The following CCDC141 variants were observed in gnomAD, a reference collection of about 807,000 sequenced individuals.
The protein encoded by CCDC141 is coiled-coil domain containing 141, also known as coiled-coil domain-containing protein 141.
A neutral mutation model predicts 181.0 loss-of-function variants in CCDC141; 168 were observed. That is an observed-to-expected ratio of 0.93 (90% CI 0.82 to 1.05). CCDC141 has a LOEUF of 1.05. CCDC141 is among the 50% of genes least tolerant of loss of function. CCDC141 has a pLI of 0.00. For missense variants in CCDC141, 1,902 were observed against 1,788.5 expected, an observed-to-expected ratio of 1.06 and a Z score of -1.14; for synonymous variants, 666 against 642.3, an observed-to-expected ratio of 1.04 and a Z score of -0.56.
At chr2:178,895,169 C>T (rs1205485634) in intron 8 of CCDC141, among the ~76,000 whole-genome samples, 4 of 152,158 alleles carry the variant, frequency 2.6e-5, no homozygotes, top group South Asian at 2.1e-4. Context: ...CCATTATGTG[C>T]TTTCCCTTAA....
At chr2:179,021,865 A>G (rs1051790764) in intron 2 of CCDC141, among the ~76,000 whole-genome samples, 15 of 152,238 alleles carry the variant, frequency 9.9e-5, no homozygotes, top group Non-Finnish European at 1.0e-4. Context: ...AAATGGAACC[A>G]GATCAGATAT....
Position 179,020,279 on chromosome 2 carries a change from G to T in CCDC141, c.225+27005C>A, listed in dbSNP as rs186460850. ...CTAAATATTTTCCTACTCTTTGTCA[G>T]TTATGTAGTCCCCACACTCCTATCC... On this transcript the variant is annotated intron_variant, in intron 2 of 23. Transcript: ENST00000443758. Among the ~76,000 whole-genome samples the T allele has an allele frequency of 8.3e-4, 127 of 152,098 alleles. 1 individual carries two copies. The highest frequency in any genetic ancestry group is 3.0e-3 in the African/African-American group (124 of 41,504).
chr2:178,836,951 C>A lies in CCDC141; in HGVS notation c.4268G>T (p.Gly1423Val). 1 of 1,613,946 alleles carries A rather than the reference C, an allele frequency of 6.2e-7. No homozygotes were observed. The highest frequency in any genetic ancestry group is 1.1e-5 in the South Asian group (1 of 91,054). The change falls in exon 23 of 24, where the codon GGT becomes GTT. Residue 1423 changes from glycine (G) to valine (V), a missense_variant. Gly to Val is a moderately radical substitution (Grantham distance 109, BLOSUM62 -3). Transcript: ENST00000443758. ...TTCAACTTCCAAAGTCACTGGAGAA[C>A]CTTCCATGACAGTTACATTAGACAG... ...RLLSNVTVME[G>V]SPVTLEVEVT... is the part of the protein sequence containing the mutation.
intron 2 of CCDC141, chr2:179,002,440 C>A: frequency 2.6e-6 from 1 of 377,622 alleles, no homozygotes. Context: ...ACCATGACGC[C>A]TCATCACTTG....
chr2:178,869,433 C>T (rs1452142740), intron 14 of CCDC141, 128 bp from the exon 15 acceptor site: 3 of 631,622 alleles, frequency 4.7e-6, no homozygotes, highest in Admixed American at 7.2e-5. Flanking sequence ...ATGAATGCCC[C>T]CACCCTCCAA....
chr2:178,825,326 A>T (rs1041386344), downstream of CCDC141: 4 of 152,226 alleles, frequency 2.6e-5, no homozygotes, highest in African/African-American at 9.6e-5. Flanking sequence ...CAGTAGCTAC[A>T]TTCATTCCTG....
At chr2:178,930,502 A>G (rs1689061990) in intron 6 of CCDC141, among the ~76,000 whole-genome samples, 1 of 152,106 alleles carries the variant, frequency 6.6e-6, no homozygotes, top group Admixed American at 6.5e-5. Context: ...TAGCCAAAAC[A>G]ATCATGATAA....
chr2:179,034,373 G>A (rs1289754448), intron 2 of CCDC141, among the ~76,000 whole-genome samples: 1 of 152,104 alleles, frequency 6.6e-6, no homozygotes, highest in Non-Finnish European at 1.5e-5. Context: ...GGAATGAGAG[G>A]ATCAGGAAAA....
chr2:178,888,731 A>G (rs1447693196), intron 8 of CCDC141, 63 bp from the exon 9 acceptor site: 1 of 1,523,434 alleles, frequency 6.6e-7, no homozygotes, highest in East Asian at 2.5e-5. Flanking sequence ...AATATTTGAA[A>G]ACAGATCTGC....
chr2:178,913,690 C>T (rs6724114), intron 7 of CCDC141, among the ~76,000 whole-genome samples: 91,447 of 152,064 alleles, frequency 0.6, 27,961 homozygotes, highest in Admixed American at 0.67. Context: ...GCAGAAACAA[C>T]GGAAGCTATG....
chr2:178,919,022 G>T, intron 6 of CCDC141, 115 bp from the exon 7 acceptor site: 1 of 960,896 alleles, frequency 1.0e-6, no homozygotes. Context: ...ATATTAGGAA[G>T]TAGGGCTTTG....
intron 2 of CCDC141, among the ~76,000 whole-genome samples, chr2:178,997,927 C>A (rs746494031): frequency 6.6e-6 from 1 of 152,092 alleles, no homozygotes; most frequent in African/African-American, 2.4e-5. Context: ...CTATTGCTGT[C>A]GGCTGTAGAT....
intron 2 of CCDC141, among the ~76,000 whole-genome samples, chr2:179,036,472 G>A (rs2043148086): frequency 6.6e-6 from 1 of 152,196 alleles, no homozygotes; most frequent in South Asian, 2.1e-4. Context: ...TGTAAAGAAT[G>A]CTATTTAAAC....
intron 8 of CCDC141, among the ~76,000 whole-genome samples, chr2:178,892,051 T>C (rs1366476498): frequency 2.0e-5 from 3 of 152,212 alleles, no homozygotes; most frequent in African/African-American, 4.8e-5. Flanking sequence ...TATGCGCAGT[T>C]ACCATATTTG....
At chr2:178,990,177 A>G (rs1458567110) in intron 2 of CCDC141, among the ~76,000 whole-genome samples, 2 of 151,878 alleles carry the variant, frequency 1.3e-5, no homozygotes, top group Non-Finnish European at 2.9e-5. Flanking sequence ...GAGAAAAATA[A>G]CAATTGTTGG....
At chr2:178,953,928 A>G (rs773287099) in intron 5 of CCDC141, among the ~76,000 whole-genome samples, 2 of 152,232 alleles carry the variant, frequency 1.3e-5, no homozygotes, top group Admixed American at 1.3e-4. Context: ...GTCATCTCTA[A>G]TATCATTTAC....
intron 2 of CCDC141, among the ~76,000 whole-genome samples, chr2:179,027,563 T>G (rs2042883183): frequency 7.2e-6 from 1 of 139,520 alleles, no homozygotes; most frequent in South Asian, 2.3e-4. Context: ...GAGAATGGCA[T>G]GAACCCGGGA....
At chr2:178,889,687 C>T (rs1363763641) in intron 8 of CCDC141, among the ~76,000 whole-genome samples, 1 of 152,032 alleles carries the variant, frequency 6.6e-6, no homozygotes, top group Non-Finnish European at 1.5e-5. Flanking sequence ...ATGACGATGC[C>T]ACTATAGAGC....
intron 2 of CCDC141, among the ~76,000 whole-genome samples, chr2:179,024,699 C>T (rs887076628): frequency 1.3e-5 from 2 of 152,130 alleles, no homozygotes; most frequent in East Asian, 1.9e-4. Flanking sequence ...CTGCTGTTTT[C>T]GACACTACTC....
Sources: gnomAD v4.1 joint callset for allele counts (sites outside exome capture counted in the v4.1 genomes callset) on GRCh38, gnomAD v4.1.1 for gene constraint, MANE v1.5 for transcripts, NCBI Gene and HGNC (gene_info 2026-07-23, HGNC 2026-07-21) for gene names.